Variants in FOXK2 observed in about 807,000 individuals in gnomAD.
FOXK2 encodes forkhead box protein K2.
FOXK2 carries 24 observed loss-of-function variants against 53.3 expected under a neutral mutation model. That is an observed-to-expected ratio of 0.45 (90% CI 0.33 to 0.63). The LOEUF is 0.63. FOXK2 is among the 30% of genes least tolerant of loss of function. FOXK2 has a pLI of 0.03. For synonymous variants in FOXK2, 505 were observed against 407.1 expected (o/e 1.24, Z -2.89); for missense variants, 952 against 910.5 (o/e 1.05, Z -0.59).
intron 4 of FOXK2, among the ~76,000 whole-genome samples, chr17:82,582,157 G>C (rs981455659): frequency 6.6e-6 from 1 of 152,194 alleles, no homozygotes; most frequent in Admixed American, 6.5e-5. Flanking sequence ...CATCAGCTCT[G>C]TTTGTCTCCA....
chr17:82,587,687 G>A lies in FOXK2; in HGVS notation c.1786+415G>A, dbSNP rs567917132. 53 of 283,218 alleles carry A rather than the reference G, an allele frequency of 1.9e-4. No individual in the cohort carries two copies. In the East Asian group the frequency reaches 2.3e-3, roughly 12 times the overall value. The allele number at this position is 283,218 out of a possible 1,614,324, so 17.5% of individuals were successfully genotyped here. A position where few individuals can be genotyped will look rare whatever the true frequency, so the allele number is the denominator to read the frequency against. On this transcript the variant is annotated intron_variant, in intron 8 of 8. Transcript: ENST00000335255. ...TCTGTGCGCTTTGCTCTCAGAGTCC[G>A]TCCGAGGCCGGTGCACAGAAAACCG...
rs1381809005 is a variant in FOXK2 at position 82,596,369 on chromosome 17, CCCTCAGAGCTTGGTGTAGGGGGAG to C, written c.1787-4877_1787-4854del. On this transcript the variant is annotated intron_variant, in intron 8 of 8. Transcript: ENST00000335255. ...GTTTTCCATGCTTGGTGTAGGGGGA[CCCTCAGAGCTTGGTGTAGGGGGAG>C]CCTCAGAGCTTGGTGTAGGGGGAGC... is the stretch of plus-strand genomic sequence containing the variant. Among the ~76,000 whole-genome samples, 442 of 122,082 alleles carry C rather than the reference CCCTCAGAGCTTGGTGTAGGGGGAG, an allele frequency of 3.6e-3. 1 individual carries two copies. Among genetic ancestry groups the C allele is most frequent in the African/African-American group, 0.011 (374 of 35,304 alleles). 80.1% of individuals were successfully genotyped at this position (122,082 alleles called of 152,430 possible).
In FOXK2 at chr17:82,586,704, C is replaced by G. The variant is rs183580416; in HGVS notation, c.1577-359C>G. 2.6e-5 allele frequency among the ~76,000 whole-genome samples: 4 copies of G among 152,016 alleles called. No individual in the cohort carries two copies. The South Asian group carries it at 8.3e-4, about 31-fold the overall frequency. ...ATCACCTGAGGTTAGGAGTTGGAGA[C>G]CAGCCTGACCAACACGGAGAAACCC... On this transcript the variant is annotated intron_variant, in intron 7 of 8. Transcript: ENST00000335255.
Position 82,572,353 on chromosome 17 carries a change from C to T in FOXK2, c.909+483C>T, listed in dbSNP as rs1009866830. On this transcript the variant is annotated intron_variant, in intron 4 of 8. Transcript: ENST00000335255. Reference sequence around the variant, plus strand: ...TTAGAAGACATCTTAACCAGTTGGCCGGGGTAAAAAACAGATGAACGTGGT... The same window carrying T: ...TTAGAAGACATCTTAACCAGTTGGCTGGGGTAAAAAACAGATGAACGTGGT... Among the ~76,000 whole-genome samples, 40 of 152,110 alleles carry T rather than the reference C, an allele frequency of 2.6e-4. 1 individual carries two copies. The highest frequency in any genetic ancestry group is 2.0e-4 in the Admixed American group (3 of 15,268).
chr17:82,529,718 G>A (rs905690610), intron 1 of FOXK2, among the ~76,000 whole-genome samples: 1 of 152,108 alleles, frequency 6.6e-6, no homozygotes, highest in South Asian at 2.1e-4. Flanking sequence ...GAGCCTGGAG[G>A]TTGAGACTCA....
chr17:82,522,800 G>T (rs1310918695), intron 1 of FOXK2, among the ~76,000 whole-genome samples: 1 of 151,958 alleles, frequency 6.6e-6, no homozygotes, highest in African/African-American at 2.4e-5. Context: ...CCAGAATTCA[G>T]ACCTTATTTT....
chr17:82,587,973 C>G (rs1182787192), intron 8 of FOXK2, among the ~76,000 whole-genome samples: 1 of 152,216 alleles, frequency 6.6e-6, no homozygotes, highest in Non-Finnish European at 1.5e-5. Flanking sequence ...CCGACTAAAA[C>G]TGTCTCTGTG....
chr17:82,577,352 G>T, intron 4 of FOXK2: 1 of 673,838 alleles, frequency 1.5e-6, no homozygotes, highest in South Asian at 1.6e-5. Flanking sequence ...AGAGGTGGAG[G>T]AGAAAGACAG....
Position 82,526,469 on chromosome 17 carries a change from T to C in FOXK2, c.419+6162T>C, listed in dbSNP as rs1211320073. On this transcript the variant is annotated intron_variant, in intron 1 of 8. Transcript: ENST00000335255. Reference sequence around the variant, plus strand: ...TGGGGACCTTGTAAGGAGAGCAGAGTTGAGATTAGGGTTAGGAGGAGCGGA... The same window carrying C: ...TGGGGACCTTGTAAGGAGAGCAGAGCTGAGATTAGGGTTAGGAGGAGCGGA... Among the ~76,000 whole-genome samples, 3 of 149,400 alleles carry C rather than the reference T, an allele frequency of 2.0e-5. No homozygotes were observed. In the East Asian group the frequency reaches 5.9e-4, roughly 29 times the overall value.
In FOXK2 at chr17:82,519,893, C is replaced by T; in HGVS notation, c.5C>T (p.Ala2Val). The change falls in exon 1 of 9, where the codon GCG becomes GTG. Residue 2 changes from alanine to valine, a missense_variant. By Grantham distance (64) the Ala-to-Val change is moderately conservative. This residue lies in a region of FOXK2 where 163 missense variants were observed against 165.5 expected (regional missense o/e 0.98). Coordinates refer to ENST00000335255, the MANE Select transcript of FOXK2 (RefSeq NM_004514.4). MAAAAAALSGAG... is the reference protein window; with the variant it reads MVAAAAALSGAG... ...CGGGGGCCCTCACGCAGGCCCATGG[C>T]GGCGGCCGCGGCGGCGCTCTCGGGC... 1.0e-6 allele frequency: 1 copy of T among 977,734 alleles called. No individual in the cohort carries two copies. The highest frequency in any genetic ancestry group is 1.2e-6 in the Non-Finnish European group (1 of 826,766). The allele number at this position is 977,734 out of a possible 1,614,324, so 60.6% of individuals were successfully genotyped here. A position where few individuals can be genotyped will look rare whatever the true frequency, so the allele number is the denominator to read the frequency against.
intron 1 of FOXK2, among the ~76,000 whole-genome samples, chr17:82,554,596 C>T (rs934711471): frequency 7.2e-5 from 11 of 152,182 alleles, no homozygotes; most frequent in African/African-American, 2.7e-4. Flanking sequence ...TGCCATTCTG[C>T]TTTCTGCCAC....
In FOXK2 at chr17:82,579,130, G is replaced by C. The variant is rs527637449; in HGVS notation, c.910-3611G>C. On this transcript the variant is annotated intron_variant, in intron 4 of 8. Coordinates refer to ENST00000335255, the MANE Select transcript of FOXK2 (RefSeq NM_004514.4). Reference sequence around the variant, plus strand: ...GGGAAGTCGTCCTTCTCAGGCAGTGGCTGGGATTGCCATTTGCACTGCTTG... The same window carrying C: ...GGGAAGTCGTCCTTCTCAGGCAGTGCCTGGGATTGCCATTTGCACTGCTTG... Among the ~76,000 whole-genome samples, 6 of 152,300 alleles carry C rather than the reference G, an allele frequency of 3.9e-5. No individual in the cohort carries two copies. The South Asian group carries it at 1.2e-3, about 32-fold the overall frequency.
chr17:82,601,201 C>T (rs1446540378), intron 8 of FOXK2, 102 bp from the exon 9 acceptor site: 24 of 1,234,972 alleles, frequency 1.9e-5, no homozygotes, highest in East Asian at 2.5e-5. Context: ...CACATGAGAG[C>T]GTGGGGTTCT....
intron 4 of FOXK2, among the ~76,000 whole-genome samples, chr17:82,574,349 T>C (rs1349267715): frequency 6.6e-6 from 1 of 151,670 alleles, no homozygotes; most frequent in Non-Finnish European, 1.5e-5. Flanking sequence ...AGATAGAGTT[T>C]TGCTCTTGTT....
intron 8 of FOXK2, chr17:82,595,965 G>A (rs542177233): frequency 3.4e-5 from 41 of 1,211,910 alleles, no homozygotes; most frequent in East Asian, 1.8e-4. Flanking sequence ...CACCTACAGC[G>A]TGGATGCTGT....
intron 4 of FOXK2, chr17:82,578,281 G>A (rs1361053192): frequency 6.6e-6 from 1 of 152,330 alleles, no homozygotes; most frequent in Admixed American, 6.5e-5. Flanking sequence ...GGAAGGCACA[G>A]AGGAGAGCCC....
chr17:82,549,505 GA>G (rs1381686609), intron 1 of FOXK2, among the ~76,000 whole-genome samples: 3 of 152,156 alleles, frequency 2.0e-5, no homozygotes, highest in African/African-American at 4.8e-5. Context: ...GCAAATGGGA[GA>G]GGGGGGCCAA....
intron 8 of FOXK2, among the ~76,000 whole-genome samples, chr17:82,596,529 T>C: frequency 6.6e-6 from 1 of 152,282 alleles, no homozygotes. Flanking sequence ...GTGGGGACTG[T>C]TTCCAGACGC....
intron 1 of FOXK2, among the ~76,000 whole-genome samples, chr17:82,530,642 C>G (rs889830150): frequency 6.6e-6 from 1 of 151,396 alleles, no homozygotes; most frequent in Admixed American, 6.6e-5. Context: ...TCCCGAGTAG[C>G]TGGGATTACA....
Sources: gnomAD v4.1 joint callset for allele counts (sites outside exome capture counted in the v4.1 genomes callset) on GRCh38, gnomAD v4.1.1 for gene constraint, gnomAD v4.1.1 regional missense constraint, MANE v1.5 for transcripts, NCBI Gene and HGNC (gene_info 2026-07-23, HGNC 2026-07-21) for gene names.